GRM8: variants seen among roughly 807,000 people sequenced by gnomAD.
The protein encoded by GRM8 is glutamate metabotropic receptor 8.
In GRM8, 47 loss-of-function variants were observed where a neutral mutation model predicts 87.2. The observed-to-expected ratio is 0.54, with a 90% CI of 0.43 to 0.69. The LOEUF (loss-of-function observed/expected upper bound fraction) is 0.69. GRM8 is among the 30% of genes least tolerant of loss of function. The probability of loss-of-function intolerance (pLI) is 0.00; values close to 1 mark genes in which losing one functional copy is unlikely to be tolerated. For missense variants in GRM8, 1,019 were observed against 1,139.2 expected (o/e 0.89, Z 1.52); for synonymous variants, 396 against 404.5 (o/e 0.98, Z 0.25).
At chr7:126,701,996 C>A (rs1216720648) in intron 7 of GRM8, among the ~76,000 whole-genome samples, 1 of 152,204 alleles carries the variant, frequency 6.6e-6, no homozygotes, top group Non-Finnish European at 1.5e-5. Flanking sequence ...GTTATTTGGT[C>A]ACCCCAACTA....
At chr7:126,891,726 T>A (rs184001036) in intron 6 of GRM8, among the ~76,000 whole-genome samples, 1 of 152,212 alleles carries the variant, frequency 6.6e-6, no homozygotes, top group Admixed American at 6.6e-5. Flanking sequence ...TGCTATATGC[T>A]GGCTATTCGC....
At chr7:127,189,017 G>T (rs1285628358) in intron 2 of GRM8, among the ~76,000 whole-genome samples, 2 of 152,160 alleles carry the variant, frequency 1.3e-5, no homozygotes, top group African/African-American at 2.4e-5. Flanking sequence ...ATCCAAAACT[G>T]CCATAAAAGT....
At chr7:126,543,835 A>C (rs1203854591) in intron 8 of GRM8, among the ~76,000 whole-genome samples, 1 of 152,212 alleles carries the variant, frequency 6.6e-6, no homozygotes, top group Non-Finnish European at 1.5e-5. Flanking sequence ...GTGGAAAACG[A>C]TGTAAAAACA....
intron 7 of GRM8, among the ~76,000 whole-genome samples, chr7:126,735,949 T>C (rs1479364076): frequency 6.6e-6 from 1 of 152,078 alleles, no homozygotes; most frequent in Admixed American, 6.6e-5. Flanking sequence ...TTGCTAATGC[T>C]AACTTCAATT....
intron 6 of GRM8, among the ~76,000 whole-genome samples, chr7:126,890,720 G>C (rs1476043161): frequency 6.6e-6 from 1 of 152,010 alleles, no homozygotes; most frequent in Non-Finnish European, 1.5e-5. Context: ...TGGCTGAAGA[G>C]ACACAAAGGA....
At chr7:127,085,388 A>G (rs1823363821) in intron 3 of GRM8, among the ~76,000 whole-genome samples, 2 of 152,236 alleles carry the variant, frequency 1.3e-5, no homozygotes, top group African/African-American at 4.8e-5. Context: ...GAATCACCAC[A>G]CTGTCTTCCA....
chr7:126,661,706 C>T (rs114360115), intron 7 of GRM8, among the ~76,000 whole-genome samples: 4 of 152,126 alleles, frequency 2.6e-5, no homozygotes, highest in Admixed American at 6.5e-5. Context: ...TCAGGGGGTT[C>T]GTCATGCCTC....
intron 7 of GRM8, among the ~76,000 whole-genome samples, chr7:126,620,484 A>G (rs1267574655): frequency 6.6e-6 from 1 of 152,180 alleles, no homozygotes; most frequent in Non-Finnish European, 1.5e-5. Context: ...ATGGTTTTGT[A>G]GGGAAAATGA....
intron 8 of GRM8, among the ~76,000 whole-genome samples, chr7:126,572,617 C>T (rs904226130): frequency 2.6e-5 from 4 of 152,128 alleles, no homozygotes; most frequent in African/African-American, 9.7e-5. Flanking sequence ...GAAATGTAAG[C>T]CAGAATAAAG....
At chr7:127,050,882 G>A (rs1340260642) in intron 3 of GRM8, among the ~76,000 whole-genome samples, 1 of 152,074 alleles carries the variant, frequency 6.6e-6, no homozygotes, top group Non-Finnish European at 1.5e-5. Flanking sequence ...CCTTGTCCTG[G>A]TTTGCACACT....
intron 3 of GRM8, among the ~76,000 whole-genome samples, chr7:127,012,690 C>G (rs11563306): frequency 0.031 from 4,732 of 152,058 alleles, 173 homozygotes; most frequent in East Asian, 0.13. Flanking sequence ...CTGGAGTTTC[C>G]TGGTAATTGG....
chr7:127,106,591 G>C lies in GRM8; in HGVS notation c.632C>G (p.Thr211Arg). ...YQAQAMVDIVTALGWNYVSTL... is the reference protein window; with the variant it reads ...YQAQAMVDIVRALGWNYVSTL... ...CGAAACATAATTCCATCCCAGTGCTGTCACGATGTCCACCATGGCTTGGGC... is the reference window on the plus strand; with the variant it reads ...CGAAACATAATTCCATCCCAGTGCTCTCACGATGTCCACCATGGCTTGGGC... Residue 211 changes from threonine (T) to arginine (R), a missense_variant, in exon 3 of 11, where the codon ACA becomes AGA. Physicochemically the swap from Thr to Arg is moderately conservative, Grantham distance 71. Transcript: ENST00000339582. The C allele has an allele frequency of 6.2e-7, 1 of 1,614,110 alleles. No homozygotes were observed. The highest frequency in any genetic ancestry group is 8.5e-7 in the Non-Finnish European group (1 of 1,179,976).
intron 5 of GRM8, among the ~76,000 whole-genome samples, chr7:126,903,637 ATATATATAGGTATATGTG>A (rs1802344078): frequency 9.5e-6 from 1 of 105,640 alleles, no homozygotes; most frequent in Non-Finnish European, 2.0e-5. Flanking sequence ...GTATATGTGT[ATATATATAGGTATATGTG>A]TATATATATA....
Position 127,132,756 on chromosome 7 carries a change from G to A in GRM8, c.511-26044C>T, listed in dbSNP as rs1587102468. On this transcript the variant is annotated intron_variant, in intron 2 of 10. Transcript: ENST00000339582. ...GCAGGGGAAGAGCTGATGTAATTAT[G>A]CCAAGAAATGAAAGGGTCTGGGCAC... Among the ~76,000 whole-genome samples, 3 of 152,166 alleles carry A rather than the reference G, an allele frequency of 2.0e-5. No homozygotes were observed. In the East Asian group the frequency reaches 5.8e-4, roughly 29 times the overall value.
In GRM8 at chr7:127,022,980, G is replaced by A. The variant is rs1481873674; in HGVS notation, c.727+83516C>T. ...GACGGTAGTAACATAATAAATTAGA[G>A]TAGGTGACTTTCTAGAAACCCAGCT... On this transcript the variant is annotated intron_variant, in intron 3 of 10. Coordinates refer to ENST00000339582, the MANE Select transcript of GRM8 (RefSeq NM_000845.3). Among the ~76,000 whole-genome samples the A allele has an allele frequency of 2.0e-5, 3 of 152,034 alleles. No individual in the cohort carries two copies. In the East Asian group the frequency reaches 5.8e-4, roughly 29 times the overall value.
chr7:126,573,589 A>T (rs1794867768), intron 8 of GRM8, among the ~76,000 whole-genome samples: 2 of 132,598 alleles, frequency 1.5e-5, no homozygotes, highest in Non-Finnish European at 3.5e-5. Flanking sequence ...TTTATTTTTT[A>T]ATTTTTTTTT....
chr7:126,543,456 T>C (rs1210926352), intron 8 of GRM8, among the ~76,000 whole-genome samples: 1 of 152,242 alleles, frequency 6.6e-6, no homozygotes, highest in Non-Finnish European at 1.5e-5. Context: ...AAGTCAGGTC[T>C]GATTTTCCAC....
At chr7:126,644,823 A>G (rs34618858) in intron 7 of GRM8, among the ~76,000 whole-genome samples, 46,824 of 152,074 alleles carry the variant, frequency 0.31, 8,080 homozygotes, top group East Asian at 0.43. Flanking sequence ...ATAGATAACC[A>G]TTTTCCCAAA....
intron 2 of GRM8, among the ~76,000 whole-genome samples, chr7:127,227,053 T>C (rs1271089505): frequency 6.6e-6 from 1 of 152,152 alleles, no homozygotes; most frequent in East Asian, 1.9e-4. Context: ...ATCAAAAGTG[T>C]TTTCAAAGTA....
Sources: allele counts gnomAD v4.1 joint callset (sites outside exome capture counted in the v4.1 genomes callset), GRCh38; gene constraint gnomAD v4.1.1; transcripts MANE v1.5; gene names NCBI Gene and HGNC (gene_info 2026-07-23, HGNC 2026-07-21).